Variants in ATP9B observed in about 807,000 individuals in gnomAD.
The protein encoded by ATP9B is probable phospholipid-transporting ATPase IIB.
A neutral mutation model predicts 146.1 loss-of-function variants in ATP9B; 110 were observed. The observed-to-expected ratio is 0.75, with a 90% confidence interval of 0.65 to 0.88. The LOEUF (loss-of-function observed/expected upper bound fraction) is 0.88, where lower values mean the gene tolerates loss of function less well. ATP9B is among the 40% of genes least tolerant of loss of function. ATP9B has a pLI of 0.00. For synonymous variants in ATP9B, 604 were observed against 569.7 expected, an observed-to-expected ratio of 1.06 and a Z score of -0.86; for missense variants, 1,499 against 1,496.4, an observed-to-expected ratio of 1.00 and a Z score of -0.03.
At chr18:79,164,643 C>T (rs754224194) in intron 7 of ATP9B, among the ~76,000 whole-genome samples, 3 of 152,042 alleles carry the variant, frequency 2.0e-5, no homozygotes, top group Non-Finnish European at 2.9e-5. Flanking sequence ...GGTGTGAACC[C>T]GGGAGGTGGA....
chr18:79,280,551 C>T (rs1316054813), intron 13 of ATP9B, among the ~76,000 whole-genome samples: 1 of 152,034 alleles, frequency 6.6e-6, no homozygotes, highest in Non-Finnish European at 1.5e-5. Flanking sequence ...TGCTGTCAAC[C>T]ACAGGAAGAA....
chr18:79,374,251 C>T lies in ATP9B; in HGVS notation c.3274+150C>T, dbSNP rs1291476809. 26 of 935,310 alleles carry T rather than the reference C, an allele frequency of 2.8e-5. 1 individual carries two copies. The highest frequency in any genetic ancestry group is 5.0e-5 in the South Asian group (3 of 60,094). 57.9% of individuals were successfully genotyped at this position (935,310 alleles called of 1,614,324 possible). On this transcript the variant is annotated intron_variant, in intron 28 of 29. Coordinates refer to ENST00000426216, the MANE Select transcript of ATP9B (RefSeq NM_198531.5). ...GCCTGCTCTTACTGTCCCTGCACCACGGATGAAGGCGCTGAGCCCCGTCGG... is the reference window on the plus strand; with the variant it reads ...GCCTGCTCTTACTGTCCCTGCACCATGGATGAAGGCGCTGAGCCCCGTCGG...
intron 12 of ATP9B, among the ~76,000 whole-genome samples, chr18:79,270,320 CTG>C (rs1268808959): frequency 6.6e-6 from 1 of 150,890 alleles, no homozygotes; most frequent in Non-Finnish European, 1.5e-5. Flanking sequence ...GTGTGTGTGT[CTG>C]TGTGTGTGTG....
rs532992198 is a variant in ATP9B, at chr18:79,136,064, G to T, written c.668-7738G>T. 1.1e-4 allele frequency among the ~76,000 whole-genome samples: 17 copies of T among 152,108 alleles called. No homozygotes were observed. In the South Asian group the frequency reaches 3.5e-3, roughly 32 times the overall value. On this transcript the variant is annotated intron_variant, in intron 5 of 29. Transcript: ENST00000426216. ...CTTCCACCTTTGTTCTTCATTTTCA[G>T]AGCTGTTTTTGTTAAGGAAATACAA...
chr18:79,095,029 A>C (rs2074674423), intron 1 of ATP9B, among the ~76,000 whole-genome samples: 2 of 152,162 alleles, frequency 1.3e-5, no homozygotes. Context: ...TGGGTTCCTG[A>C]GACTCCCTGT....
intron 12 of ATP9B, among the ~76,000 whole-genome samples, chr18:79,257,025 C>T (rs1461835989): frequency 2.0e-5 from 3 of 152,118 alleles, no homozygotes; most frequent in East Asian, 1.9e-4. Flanking sequence ...CTTGGCCGGG[C>T]GCAGGGGCTC....
chr18:79,084,771 C>T (rs994132718), intron 1 of ATP9B, among the ~76,000 whole-genome samples: 2 of 152,106 alleles, frequency 1.3e-5, no homozygotes, highest in Admixed American at 6.6e-5. Flanking sequence ...TAAAAGTTCT[C>T]AGGTTTTCCT....
At chr18:79,114,405 G>A (rs934799420) in intron 4 of ATP9B, among the ~76,000 whole-genome samples, 27 of 152,236 alleles carry the variant, frequency 1.8e-4, no homozygotes, top group African/African-American at 5.8e-4. Context: ...TCCACATGGC[G>A]AGCCGAGCAG....
rs983156124 is a variant in ATP9B, at chr18:79,328,162, G to A, written c.1774-979G>A. On this transcript the variant is annotated intron_variant, in intron 15 of 29. Transcript: ENST00000426216. ...GCTCTCTGTGGTTAGCGTGCTCTCC[G>A]TGGTTAGTGTGCTCTCTGTGGTTAG... is the stretch of plus-strand genomic sequence containing the variant. Among the ~76,000 whole-genome samples, 19 of 151,890 alleles carry A rather than the reference G, an allele frequency of 1.3e-4. 1 individual carries two copies. Among genetic ancestry groups the A allele is most frequent in the South Asian group, 4.2e-4 (2 of 4,792 alleles).
At position 79,133,508 on chromosome 18, in the gene ATP9B, A is replaced by AACACAC. The variant is rs370697424; in HGVS notation, c.667+7156_667+7161dup. Among the ~76,000 whole-genome samples, 356 of 147,882 alleles carry AACACAC rather than the reference A, an allele frequency of 2.4e-3. 2 individuals carry two copies. The highest frequency in any genetic ancestry group is 7.9e-3 in the African/African-American group (319 of 40,254). On this transcript the variant is annotated intron_variant, in intron 5 of 29. Coordinates refer to ENST00000426216, the MANE Select transcript of ATP9B (RefSeq NM_198531.5). ...CCATATAGACTCAGGAGTGGTTATA[A>AACACAC]ACACACACACACACACACACACACA...
At position 79,109,563 on chromosome 18, in the gene ATP9B, T is replaced by C. The variant is rs527887191; in HGVS notation, c.294-792T>C. Among the ~76,000 whole-genome samples the C allele has an allele frequency of 6.5e-4, 96 of 147,208 alleles. 1 individual carries two copies. The East Asian group carries it at 0.017, about 25-fold the overall frequency. On this transcript the variant is annotated intron_variant, in intron 2 of 29. Transcript: ENST00000426216. ...CCTCTTTAAATATTGGATTGAGCTG[T>C]CTTTTTTTTTTTTTTTTTTTAAGAT... is the stretch of plus-strand genomic sequence containing the variant.
chr18:79,128,184 C>G (rs1051730792), intron 5 of ATP9B, among the ~76,000 whole-genome samples: 4 of 151,594 alleles, frequency 2.6e-5, no homozygotes, highest in African/African-American at 9.7e-5. Context: ...CTCAACCTCC[C>G]GAGAAACTGG....
intron 1 of ATP9B, among the ~76,000 whole-genome samples, chr18:79,091,841 A>C (rs1370016631): frequency 1.3e-5 from 2 of 152,064 alleles, no homozygotes; most frequent in Non-Finnish European, 2.9e-5. Context: ...GTGGGCTGAG[A>C]GTTTTGAAGT....
In ATP9B at chr18:79,373,956, G is replaced by C; in HGVS notation, c.3129G>C (p.Val1043=). ...TCGAGTCTGAGTTCGTCCACGTGGT[G>C]GCCATCTCCTTCACCGCACTGATCC... ...VLFESEFVHV[V]AISFTALILT... is the part of the protein sequence containing the mutation. Residue 1043 remains valine (V), a synonymous_variant, in exon 28 of 30, where the codon GTG becomes GTC. Coordinates refer to ENST00000426216, the MANE Select transcript of ATP9B (RefSeq NM_198531.5). The C allele has an allele frequency of 6.2e-7, 1 of 1,613,852 alleles. No homozygotes were observed. Among genetic ancestry groups the C allele is most frequent in the Non-Finnish European group, 8.5e-7 (1 of 1,180,030 alleles).
intron 2 of ATP9B, among the ~76,000 whole-genome samples, chr18:79,107,485 G>A (rs767451159): frequency 2.0e-5 from 3 of 152,134 alleles, no homozygotes; most frequent in Non-Finnish European, 4.4e-5. Context: ...ATGTTGGGAG[G>A]CAGGAGAGTG....
chr18:79,096,444 C>T, intron 1 of ATP9B, 32 bp from the exon 2 acceptor site: 1 of 1,599,132 alleles, frequency 6.3e-7, no homozygotes, highest in Non-Finnish European at 8.5e-7. Context: ...ACTGCTTGGC[C>T]TATCTCAGCA....
intron 11 of ATP9B, among the ~76,000 whole-genome samples, chr18:79,240,453 A>C (rs1226328050): frequency 6.6e-6 from 1 of 152,238 alleles, no homozygotes; most frequent in African/African-American, 2.4e-5. Context: ...TTGAGTAGTT[A>C]ATGGAAAGTT....
At chr18:79,371,588 G>T (rs2097070874) in intron 26 of ATP9B, among the ~76,000 whole-genome samples, 2 of 152,154 alleles carry the variant, frequency 1.3e-5, no homozygotes, top group African/African-American at 4.8e-5. Context: ...TCTGCCACTG[G>T]TGGCCTCCTG....
Position 79,096,518 on chromosome 18 carries a change from A to G in ATP9B, c.162A>G (p.Pro54=), listed in dbSNP as rs1248082794. 2 of 1,613,972 alleles carry G rather than the reference A, an allele frequency of 1.2e-6. No individual in the cohort carries two copies. The highest frequency in any genetic ancestry group is 1.3e-5 in the African/African-American group (1 of 74,924). The change falls in exon 2 of 30, where the codon CCA becomes CCG. Residue 54 remains proline, a synonymous_variant. Transcript: ENST00000426216. ...AGTCTGCGCATTTGGATGAAATGCC[A>G]CTAATGATGTCTGAAGAAGGCTTTG... ...EDESAHLDEM[P]LMMSEEGFEN...
Sources: allele counts gnomAD v4.1 joint callset (sites outside exome capture counted in the v4.1 genomes callset), GRCh38; gene constraint gnomAD v4.1.1; transcripts MANE v1.5; gene names NCBI Gene and HGNC (gene_info 2026-07-23, HGNC 2026-07-21).